The following ZFHX3 variants were observed in gnomAD, a reference collection of about 807,000 sequenced individuals.
The protein encoded by ZFHX3 is zinc finger homeobox 3.
A neutral mutation model predicts 279.1 loss-of-function variants in ZFHX3; 42 were observed. The ratio of observed to expected loss-of-function variants is 0.15; its 90% CI spans 0.12 to 0.19. ZFHX3 has a LOEUF of 0.19. Among genes scored for constraint, ZFHX3 ranks in the 10% least tolerant of loss-of-function variants. ZFHX3 has a pLI of 1.00. For synonymous variants in ZFHX3, 2,293 were observed against 1,957.8 expected, an observed-to-expected ratio of 1.17 and a Z score of -4.52; for missense variants, 4,981 against 4,754.0, an observed-to-expected ratio of 1.05 and a Z score of -1.40.
intron 3 of ZFHX3, among the ~76,000 whole-genome samples, chr16:73,332,774 C>T (rs557432465): frequency 1.3e-5 from 2 of 152,132 alleles, no homozygotes; most frequent in African/African-American, 4.8e-5. Context: ...GCTCACAGAG[C>T]CCTCAAGGTA....
At chr16:73,213,331 C>G (rs570377335) in intron 5 of ZFHX3, among the ~76,000 whole-genome samples, 160 of 152,212 alleles carry the variant, frequency 1.1e-3, no homozygotes, top group Non-Finnish European at 1.5e-3. Context: ...CTTTGACACC[C>G]TGCCTCACCA....
chr16:72,829,758 A>C (rs376527864), intron 5 of ZFHX3, 21 bp downstream of exon 5: 2 of 1,613,882 alleles, frequency 1.2e-6, no homozygotes, highest in Admixed American at 1.7e-5. Context: ...CTACCTGTCC[A>C]CTTGCCCTGG....
At chr16:73,136,569 C>T (rs978112583) in intron 6 of ZFHX3, among the ~76,000 whole-genome samples, 3 of 144,340 alleles carry the variant, frequency 2.1e-5, no homozygotes, top group African/African-American at 8.7e-5. Context: ...ACTAAAAACA[C>T]CAAAAATTAG....
chr16:73,311,589 C>CAAAAAA (rs1156241061), intron 4 of ZFHX3, among the ~76,000 whole-genome samples: 1 of 27,990 alleles, frequency 3.6e-5, no homozygotes, highest in Non-Finnish European at 6.7e-5. Flanking sequence ...TACTCCATCT[C>CAAAAAA]AAAAAAAAAA....
chr16:73,886,447 C>T (rs540642825), intron 1 of ZFHX3, among the ~76,000 whole-genome samples: 140 of 152,290 alleles, frequency 9.2e-4, no homozygotes, highest in South Asian at 2.5e-3. Flanking sequence ...TTTCTGCTGC[C>T]TAAGACAGAC....
intron 1 of ZFHX3, among the ~76,000 whole-genome samples, chr16:72,965,686 A>C (rs1226917732): frequency 1.3e-5 from 2 of 152,222 alleles, no homozygotes; most frequent in Non-Finnish European, 2.9e-5. Context: ...AAACAAGAGA[A>C]GGGGAAAGAG....
chr16:73,221,260 T>C (rs904345714), intron 5 of ZFHX3, among the ~76,000 whole-genome samples: 2 of 152,168 alleles, frequency 1.3e-5, no homozygotes, highest in African/African-American at 4.8e-5. Flanking sequence ...ATAAAATTTG[T>C]AAACTGCAAA....
intron 1 of ZFHX3, among the ~76,000 whole-genome samples, chr16:73,801,741 G>C (rs1466962635): frequency 6.6e-6 from 1 of 152,112 alleles, no homozygotes; most frequent in African/African-American, 2.4e-5. Flanking sequence ...TGTGCTGATG[G>C]GTCTACTTGA....
In ZFHX3 at chr16:72,811,809, C is replaced by T. The variant is rs544472045; in HGVS notation, c.3664-32G>A. ...GGAACACACCCACTGCTTTGAGCAA[C>T]TGTGTGTGCCCCAAGCCCGCCCACC... On this transcript the variant is annotated intron_variant, in intron 6 of 9. Coordinates refer to ENST00000268489, the MANE Select transcript of ZFHX3 (RefSeq NM_006885.4). 2.2e-5 allele frequency: 36 copies of T among 1,605,004 alleles called. No individual in the cohort carries two copies. The South Asian group carries it at 3.8e-4, about 17-fold the overall frequency.
intron 2 of ZFHX3, among the ~76,000 whole-genome samples, chr16:73,665,908 C>A (rs770928195): frequency 6.7e-6 from 1 of 148,210 alleles, no homozygotes; most frequent in Non-Finnish European, 1.5e-5. Flanking sequence ...GTCTGCCTCC[C>A]GGGTTCATGC....
At chr16:73,057,228 C>T (rs921162752) in intron 1 of ZFHX3, among the ~76,000 whole-genome samples, 4 of 152,150 alleles carry the variant, frequency 2.6e-5, no homozygotes, top group Admixed American at 2.6e-4. Flanking sequence ...AAGAATTTGC[C>T]ACAGTCCAAA....
At chr16:73,551,017 G>T (rs982688995) in intron 2 of ZFHX3, among the ~76,000 whole-genome samples, 7 of 152,138 alleles carry the variant, frequency 4.6e-5, no homozygotes, top group African/African-American at 1.7e-4. Context: ...AACATTCAAA[G>T]GGTGAATTAA....
chr16:73,076,419 C>T (rs1031070166), intron 8 of ZFHX3, among the ~76,000 whole-genome samples: 5 of 152,176 alleles, frequency 3.3e-5, no homozygotes, highest in African/African-American at 9.7e-5. Context: ...TGATATACCT[C>T]GTTCCAGCCA....
At chr16:73,585,740 G>C (rs1191919654) in intron 2 of ZFHX3, among the ~76,000 whole-genome samples, 1 of 152,232 alleles carries the variant, frequency 6.6e-6, no homozygotes, top group Non-Finnish European at 1.5e-5. Flanking sequence ...GGGATTAAAT[G>C]AGTAGAAACA....
chr16:72,896,268 A>G (rs184577953), intron 3 of ZFHX3, among the ~76,000 whole-genome samples: 37 of 152,262 alleles, frequency 2.4e-4, no homozygotes, highest in African/African-American at 7.0e-4. Context: ...TCCTAATCCT[A>G]TTAGGGCTAC....
At chr16:73,727,416 C>T (rs1446107402) in intron 1 of ZFHX3, among the ~76,000 whole-genome samples, 2 of 152,162 alleles carry the variant, frequency 1.3e-5, no homozygotes, top group African/African-American at 2.4e-5. Context: ...TGAAAGGGTG[C>T]TCAAATCTTT....
chr16:73,037,715 G>A (rs936573922), intron 1 of ZFHX3, among the ~76,000 whole-genome samples: 1 of 152,096 alleles, frequency 6.6e-6, no homozygotes, highest in Non-Finnish European at 1.5e-5. Flanking sequence ...ACAGCCCAGG[G>A]CACCCAGGAG....
At chr16:73,432,443 C>T (rs953486138) in intron 3 of ZFHX3, among the ~76,000 whole-genome samples, 1 of 152,108 alleles carries the variant, frequency 6.6e-6, no homozygotes, top group Non-Finnish European at 1.5e-5. Context: ...GTCCAGAGCC[C>T]AACCCACTTC....
At chr16:73,393,667 T>C (rs1353562065) in intron 3 of ZFHX3, among the ~76,000 whole-genome samples, 1 of 152,114 alleles carries the variant, frequency 6.6e-6, no homozygotes, top group Admixed American at 6.5e-5. Flanking sequence ...GAATAAACTA[T>C]GAAAGTTGGG....
Sources: gnomAD v4.1 joint callset for allele counts (sites outside exome capture counted in the v4.1 genomes callset) on GRCh38, gnomAD v4.1.1 for gene constraint, MANE v1.5 for transcripts, NCBI Gene and HGNC (gene_info 2026-07-23, HGNC 2026-07-21) for gene names.